MOK: variants seen among roughly 807,000 people sequenced by gnomAD.
MOK encodes MOK protein kinase.
MOK carries 59 observed loss-of-function variants against 54.2 expected under a neutral mutation model. The ratio of observed to expected loss-of-function variants is 1.09; its 90% CI spans 0.88 to 1.35. The LOEUF (loss-of-function observed/expected upper bound fraction) is 1.35, where lower values mean the gene tolerates loss of function less well. MOK is among the 40% of genes most tolerant of loss of function. MOK has a pLI of 0.00. For missense variants in MOK, 517 were observed against 526.2 expected, an observed-to-expected ratio of 0.98 and a Z score of 0.17; for synonymous variants, 210 against 202.7, an observed-to-expected ratio of 1.04 and a Z score of -0.31.
rs983902764 is a variant in MOK, at chr14:102,248,208, C to G, written c.590+2604G>C. 3.3e-5 allele frequency among the ~76,000 whole-genome samples: 5 copies of G among 152,322 alleles called. No individual in the cohort carries two copies. The South Asian group carries it at 8.3e-4, about 25-fold the overall frequency. ...TTCTTGGTGCTGCCCACCCCTCCCC[C>G]TAATGCTCTGCAACCCTTCTCCGTG... On this transcript the variant is annotated intron_variant, in intron 7 of 11. Transcript: ENST00000361847.
At chr14:102,246,098 A>G (rs1389889517) in intron 7 of MOK, 4 of 152,192 alleles carry the variant, frequency 2.6e-5, no homozygotes, top group Non-Finnish European at 2.9e-5. Flanking sequence ...ACTCCTTCCA[A>G]TTGGAATACC....
chr14:102,252,035 G>T, intron 4 of MOK, 40 bp from the exon 5 acceptor site: 1 of 1,062,518 alleles, frequency 9.4e-7, no homozygotes, highest in Non-Finnish European at 1.4e-6. Flanking sequence ...GTTACTGATG[G>T]TACATATCCT....
At position 102,232,366 on chromosome 14, in the gene MOK, AGGC is replaced by A. The variant is rs1278059466; in HGVS notation, c.866+166_866+168del. The A allele has an allele frequency of 1.5e-6, 1 of 661,938 alleles. No homozygotes were observed. The highest frequency in any genetic ancestry group is 3.1e-5 in the Admixed American group (1 of 32,704). 41.0% of individuals were successfully genotyped at this position (661,938 alleles called of 1,614,324 possible). A position where few individuals can be genotyped will look rare whatever the true frequency, so the allele number is the denominator to read the frequency against. ...CTCATTTTGGGGAGGATACACCAGA[AGGC>A]AGCACGGTGTGGGCCCCAAGAGGCC... On this transcript the variant is annotated intron_variant, in intron 9 of 11. Coordinates refer to ENST00000361847, the MANE Select transcript of MOK (RefSeq NM_014226.3). The surrounding 1 kb of genome is among the most constrained non-coding windows in gnomAD (Gnocchi z 5.1).
At chr14:102,280,223 G>A (rs2069274912) in intron 2 of MOK, among the ~76,000 whole-genome samples, 1 of 151,910 alleles carries the variant, frequency 6.6e-6, no homozygotes, top group Non-Finnish European at 1.5e-5. Context: ...AAAGAAGGCA[G>A]AGTGAGACAG....
chr14:102,215,898 C>T, the MOK span, among the ~76,000 whole-genome samples: 2 of 152,328 alleles, frequency 1.3e-5, no homozygotes, highest in Non-Finnish European at 2.9e-5. Flanking sequence ...GAGCAGCGCC[C>T]TGGCACCCGC....
In MOK at chr14:102,303,806, G is replaced by A. The variant is rs189642215; in HGVS notation, c.7+1156C>T. 3.9e-5 allele frequency among the ~76,000 whole-genome samples: 6 copies of A among 152,314 alleles called. No homozygotes were observed. In the East Asian group the frequency reaches 9.6e-4, roughly 24 times the overall value. On this transcript the variant is annotated intron_variant, in intron 1 of 11. Transcript: ENST00000361847. ...AGAGAAAACACCAGAGCGAAAGCGA[G>A]CACACAAAAATAAGGCAAAATGGTG...
At chr14:102,289,303 T>C (rs1269676587) in intron 1 of MOK, among the ~76,000 whole-genome samples, 2 of 151,674 alleles carry the variant, frequency 1.3e-5, no homozygotes, top group South Asian at 2.1e-4. Flanking sequence ...ACAGAAATGA[T>C]ACACAGTAAA....
At chr14:102,274,412 A>T (rs1273158709) in intron 2 of MOK, among the ~76,000 whole-genome samples, 1 of 150,208 alleles carries the variant, frequency 6.7e-6, no homozygotes, top group Non-Finnish European at 1.5e-5. Context: ...GTGACACTAC[A>T]CTTGGCTAAT....
At chr14:102,247,626 C>T (rs1455788995) in intron 7 of MOK, among the ~76,000 whole-genome samples, 48 of 152,192 alleles carry the variant, frequency 3.2e-4, no homozygotes, top group Admixed American at 2.8e-3. Flanking sequence ...AAGAGATAGC[C>T]AAATCCATCA....
In MOK at chr14:102,272,803, T is replaced by C. The variant is rs1014348087; in HGVS notation, c.123-6891A>G. 2.6e-5 allele frequency among the ~76,000 whole-genome samples: 4 copies of C among 152,292 alleles called. No homozygotes were observed. The South Asian group carries it at 8.3e-4, about 32-fold the overall frequency. On this transcript the variant is annotated intron_variant, in intron 2 of 11. Coordinates refer to ENST00000361847, the MANE Select transcript of MOK (RefSeq NM_014226.3). ...TACAGCAAACATCATGCTTCTAATGTTGAAATGCTGAACACTTCCCCGCTA... is the reference window on the plus strand; with the variant it reads ...TACAGCAAACATCATGCTTCTAATGCTGAAATGCTGAACACTTCCCCGCTA...
downstream of MOK, chr14:102,224,665 A>G (rs988746338): frequency 1.3e-5 from 6 of 455,942 alleles, no homozygotes; most frequent in African/African-American, 1.2e-4. Context: ...AAAACTTCAC[A>G]TCAGCTCAGC....
chr14:102,221,053 A>G (rs2063831101), downstream of MOK, among the ~76,000 whole-genome samples: 2 of 152,168 alleles, frequency 1.3e-5, no homozygotes, highest in Non-Finnish European at 2.9e-5. This position sits in a 1 kb window ranked among gnomAD's most constrained non-coding sequence, Gnocchi z 4.8. Flanking sequence ...CTTGTTTTTA[A>G]GTTGTTAAAC....
intron 1 of MOK, among the ~76,000 whole-genome samples, chr14:102,287,063 T>C (rs1464805065): frequency 6.6e-6 from 1 of 152,168 alleles, no homozygotes; most frequent in African/African-American, 2.4e-5. Context: ...AATAAGAGCA[T>C]GATTTTCACT....
At chr14:102,298,526 G>C (rs1287233655) in intron 1 of MOK, among the ~76,000 whole-genome samples, 1 of 152,114 alleles carries the variant, frequency 6.6e-6, no homozygotes. Context: ...ATCTCACGGG[G>C]ACTTGGAGAA....
chr14:102,280,062 AATG>A (rs1041593788), intron 2 of MOK, among the ~76,000 whole-genome samples: 7 of 151,716 alleles, frequency 4.6e-5, no homozygotes, highest in South Asian at 2.1e-4. Flanking sequence ...TCACTTACAC[AATG>A]ATAAGCAAGC....
intron 1 of MOK, among the ~76,000 whole-genome samples, chr14:102,299,574 A>C (rs1269369179): frequency 6.6e-6 from 1 of 151,978 alleles, no homozygotes; most frequent in Non-Finnish European, 1.5e-5. Flanking sequence ...TTCAGAGTGT[A>C]ACTTCTCTGG....
At chr14:102,261,893 G>A (rs1458542654) in intron 4 of MOK, among the ~76,000 whole-genome samples, 1 of 150,578 alleles carries the variant, frequency 6.6e-6, no homozygotes, top group Admixed American at 6.7e-5. Context: ...ACCCAGGCTG[G>A]AGTGCAGTGG....
At chr14:102,248,430 A>G (rs1477285714) in intron 7 of MOK, among the ~76,000 whole-genome samples, 1 of 151,768 alleles carries the variant, frequency 6.6e-6, no homozygotes, top group Non-Finnish European at 1.5e-5. Flanking sequence ...CCTGCTCTTC[A>G]TCTAGTTGCT....
chr14:102,229,692 C>CG, intron 10 of MOK, 35 bp from the exon 11 acceptor site: 1 of 1,539,384 alleles, frequency 6.5e-7, no homozygotes, highest in Non-Finnish European at 8.8e-7. Flanking sequence ...GGACATAAAA[C>CG]GCTTTCTGCT....
Sources: gnomAD v4.1 joint callset for allele counts (sites outside exome capture counted in the v4.1 genomes callset) on GRCh38, gnomAD v4.1.1 for gene constraint, Gnocchi (gnomAD v3.1) non-coding constraint, MANE v1.5 for transcripts, NCBI Gene and HGNC (gene_info 2026-07-23, HGNC 2026-07-21) for gene names.